TRAK1: variants seen among roughly 807,000 people sequenced by gnomAD.
TRAK1 encodes the protein trafficking kinesin protein 1, also known as trafficking kinesin-binding protein 1.
Under a neutral mutation model 92.1 loss-of-function variants are expected in TRAK1, and 33 were observed. The observed-to-expected ratio is 0.36, with a 90% CI of 0.27 to 0.48. The LOEUF (loss-of-function observed/expected upper bound fraction) is 0.48, where lower values mean the gene tolerates loss of function less well. Ranked by LOEUF, TRAK1 falls within the 20% of genes least tolerant of loss-of-function variation. TRAK1 has a pLI of 0.99. For missense variants in TRAK1, 1,123 were observed against 1,257.9 expected, an observed-to-expected ratio of 0.89 and a Z score of 1.62; for synonymous variants, 521 against 517.3, an observed-to-expected ratio of 1.01 and a Z score of -0.10.
chr3:42,119,450 A>G (rs888567793), intron 1 of TRAK1, among the ~76,000 whole-genome samples: 2 of 152,212 alleles, frequency 1.3e-5, no homozygotes, highest in African/African-American at 4.8e-5. Flanking sequence ...GCTGGGCTTG[A>G]TAAGAAAGGC....
chr3:42,151,872 C>T (rs1699993447), intron 2 of TRAK1, among the ~76,000 whole-genome samples: 1 of 152,130 alleles, frequency 6.6e-6, no homozygotes, highest in South Asian at 2.1e-4. Context: ...TTTGAATCGT[C>T]AATGAGGGAA....
intron 2 of TRAK1, among the ~76,000 whole-genome samples, chr3:42,130,033 G>T (rs944360621): frequency 6.6e-6 from 1 of 151,870 alleles, no homozygotes; most frequent in African/African-American, 2.4e-5. Context: ...CATGGCTCAG[G>T]GCATTGTCCC....
intron 1 of TRAK1, among the ~76,000 whole-genome samples, chr3:42,118,579 G>A (rs1167656697): frequency 6.6e-6 from 1 of 152,228 alleles, no homozygotes; most frequent in Non-Finnish European, 1.5e-5. Flanking sequence ...CTCTGCAGGT[G>A]AGGATCTAGC....
chr3:42,027,479 C>T (rs1234616424), intron 1 of TRAK1, among the ~76,000 whole-genome samples: 1 of 151,316 alleles, frequency 6.6e-6, no homozygotes, highest in Non-Finnish European at 1.5e-5. Context: ...GCCCAGATCA[C>T]GCCACTGCCC....
chr3:42,216,083 G>A (rs1265323863), intron 14 of TRAK1, among the ~76,000 whole-genome samples: 1 of 152,200 alleles, frequency 6.6e-6, no homozygotes, highest in Non-Finnish European at 1.5e-5. Flanking sequence ...TGGGCGGCCA[G>A]ACGGGCAGAG....
chr3:42,163,520 A>G (rs1265009522), intron 2 of TRAK1, among the ~76,000 whole-genome samples: 1 of 151,840 alleles, frequency 6.6e-6, no homozygotes, highest in Admixed American at 6.6e-5. Context: ...GTGAGCCAAG[A>G]TCGCGCCACT....
rs188430874 is a variant in TRAK1, at chr3:42,055,416, G to T, written c.-518-31688G>T. On this transcript the variant is annotated intron_variant, in intron 1 of 16. Coordinates refer to the TRAK1 transcript ENST00000487159. ...ATTCAGTTGTCACATCTAAAGTATGGAATTCAATGGTTTTCAGTGTTTACA... is the reference window on the plus strand; with the variant it reads ...ATTCAGTTGTCACATCTAAAGTATGTAATTCAATGGTTTTCAGTGTTTACA... Among the ~76,000 whole-genome samples, 318 of 152,268 alleles carry T rather than the reference G, an allele frequency of 2.1e-3. 1 individual carries two copies. Among genetic ancestry groups the T allele is most frequent in the African/African-American group, 7.2e-3 (300 of 41,556 alleles).
Position 42,211,818 on chromosome 3 carries a change from A to G in TRAK1, c.1963+1833A>G, listed in dbSNP as rs1018061599. The G allele has an allele frequency of 7.1e-6, 7 of 985,358 alleles. No individual in the cohort carries two copies. In the African/African-American group the frequency reaches 8.7e-5, roughly 12 times the overall value. 61.0% of individuals were successfully genotyped at this position (985,358 alleles called of 1,614,324 possible). On this transcript the variant is annotated intron_variant, in intron 14 of 15. Coordinates refer to ENST00000327628, the MANE Select transcript of TRAK1 (RefSeq NM_001042646.3). The stretch of plus-strand genomic sequence containing the variant: ...TTCTTGCTTGTTCTCTCTGTACTCA[A>G]ACCTGTGGCAAATTCATCCTAGCAA...
At chr3:42,064,834 C>T (rs897103420) in intron 1 of TRAK1, among the ~76,000 whole-genome samples, 2 of 151,966 alleles carry the variant, frequency 1.3e-5, no homozygotes, top group Admixed American at 6.6e-5. Flanking sequence ...GGGCAGATCA[C>T]GAGGTCAGGA....
intron 2 of TRAK1, chr3:42,145,926 C>T (rs1025927882): frequency 4.0e-6 from 1 of 251,480 alleles, no homozygotes; most frequent in Non-Finnish European, 7.7e-6. Flanking sequence ...AGCCAGTGCT[C>T]CTCTATCCCA....
intron 1 of TRAK1, among the ~76,000 whole-genome samples, chr3:42,044,265 A>G (rs569434898): frequency 1.5e-3 from 233 of 152,102 alleles, no homozygotes; most frequent in Non-Finnish European, 2.6e-3. Flanking sequence ...GGCTCAGGCA[A>G]TCCTCCCACC....
chr3:42,020,471 T>C (rs187617284), intron 1 of TRAK1, among the ~76,000 whole-genome samples: 3 of 152,368 alleles, frequency 2.0e-5, no homozygotes, highest in Admixed American at 2.0e-4. Context: ...TTGTTGCATG[T>C]ACTAGTGCTT....
rs530959209 is a variant in TRAK1 at position 42,210,003 on chromosome 3, C to T, written c.1963+18C>T. 22 of 1,614,162 alleles carry T rather than the reference C, an allele frequency of 1.4e-5. No individual in the cohort carries two copies. Among genetic ancestry groups the T allele is most frequent in the South Asian group, 7.7e-5 (7 of 91,084 alleles). On this transcript the variant is annotated intron_variant, in intron 14 of 15. Coordinates refer to ENST00000327628, the MANE Select transcript of TRAK1 (RefSeq NM_001042646.3). ...GACCTCAGGTGAGAGGTCCCAAGCA[C>T]GTGTGACTGTCTCAGGCAGCAGAAG... is the stretch of plus-strand genomic sequence containing the variant.
At chr3:42,083,848 T>C (rs1183291470), upstream of TRAK1, among the ~76,000 whole-genome samples, 1 of 152,000 alleles carries the variant, frequency 6.6e-6, no homozygotes, top group Non-Finnish European at 1.5e-5. Flanking sequence ...CCAGCCTGGG[T>C]GATGGGAATG....
rs1180492649 is a variant in TRAK1 at position 42,193,894 on chromosome 3, C to A, written c.971C>A (p.Ala324Asp). Reference sequence around the variant, plus strand: ...AAGGATGCCCAGCGGCAGCTCACAGCCGAGGTGAGCACCTCTCCCTCATTC... The same window carrying A: ...AAGGATGCCCAGCGGCAGCTCACAGACGAGGTGAGCACCTCTCCCTCATTC... ...AAKDAQRQLT[A>D]ELRELEDKYA... is the part of the protein sequence containing the mutation. The change falls in exon 9 of 16, where the codon GCC becomes GAC. Residue 324 changes from alanine to aspartate, a missense_variant. Transcript: ENST00000327628. 1 of 1,613,764 alleles carries A rather than the reference C, an allele frequency of 6.2e-7. No homozygotes were observed. The highest frequency in any genetic ancestry group is 8.5e-7 in the Non-Finnish European group (1 of 1,179,864).
At chr3:42,021,224 T>C (rs1453361368) in intron 1 of TRAK1, among the ~76,000 whole-genome samples, 1 of 152,196 alleles carries the variant, frequency 6.6e-6, no homozygotes, top group East Asian at 1.9e-4. Context: ...TCTGAGACAA[T>C]TGGTTTACTG....
At position 42,223,251 on chromosome 3, in the gene TRAK1, C is replaced by T. The variant is rs765019939; in HGVS notation, c.2376C>T (p.Ser792=). 5.6e-6 allele frequency: 9 copies of T among 1,614,124 alleles called. No homozygotes were observed. The highest frequency in any genetic ancestry group is 1.1e-5 in the South Asian group (1 of 91,092). ...ACTCGCCTATGCAGACACCCACATC[C>T]TCCCCACCCTCCTTTGAGTTCAAGT... is the stretch of plus-strand genomic sequence containing the variant. The part of the protein sequence containing the change: ...PPNSPMQTPT[S]SPPSFEFKCT... The change falls in exon 16 of 16, where the codon TCC becomes TCT. Residue 792 remains serine, a synonymous_variant. Coordinates refer to ENST00000327628, the MANE Select transcript of TRAK1 (RefSeq NM_001042646.3). The surrounding 1 kb of genome is among the most constrained non-coding windows in gnomAD (Gnocchi z 6.1).
At chr3:42,190,460 CAAG>C (rs962238987) in intron 6 of TRAK1, among the ~76,000 whole-genome samples, 5 of 152,154 alleles carry the variant, frequency 3.3e-5, no homozygotes, top group African/African-American at 1.2e-4. Context: ...CCAGATTGAC[CAAG>C]AAGTCTGCCT....
chr3:42,160,045 C>T, intron 2 of TRAK1: 1 of 559,298 alleles, frequency 1.8e-6, no homozygotes, highest in Non-Finnish European at 2.5e-6. Context: ...GATCCTGTAC[C>T]TTCCTGCAGG....
Sources: allele counts gnomAD v4.1 joint callset (sites outside exome capture counted in the v4.1 genomes callset), GRCh38; gene constraint gnomAD v4.1.1; non-coding constraint Gnocchi (gnomAD v3.1); transcripts MANE v1.5; gene names NCBI Gene and HGNC (gene_info 2026-07-23, HGNC 2026-07-21).